Variants in CALN1 observed in about 807,000 individuals in gnomAD.
The protein encoded by CALN1 is calcium-binding protein 8.
Under a neutral mutation model 30.6 loss-of-function variants are expected in CALN1, and 17 were observed. That is an observed-to-expected ratio of 0.56 (90% confidence interval 0.38 to 0.83). CALN1 has a LOEUF of 0.83. Among genes scored for constraint, CALN1 ranks in the 40% least tolerant of loss-of-function variants. CALN1 has a pLI of 0.00. For missense variants in CALN1, 291 were observed against 354.9 expected, an observed-to-expected ratio of 0.82 and a Z score of 1.45; for synonymous variants, 156 against 131.4, an observed-to-expected ratio of 1.19 and a Z score of -1.28.
At chr7:72,007,252 TA>T (rs1799821045) in intron 5 of CALN1, among the ~76,000 whole-genome samples, 1 of 152,206 alleles carries the variant, frequency 6.6e-6, no homozygotes, top group Non-Finnish European at 1.5e-5. Context: ...TGCAACTTCT[TA>T]AAGAACTTGT....
the CALN1 span, among the ~76,000 whole-genome samples, chr7:72,498,261 A>G: frequency 6.6e-6 from 1 of 152,162 alleles, no homozygotes; most frequent in Non-Finnish European, 1.5e-5. Flanking sequence ...AGAATTTTTA[A>G]AATTTCAAGA....
At chr7:72,190,055 C>A (rs2129546733) in intron 3 of CALN1, among the ~76,000 whole-genome samples, 1 of 152,124 alleles carries the variant, frequency 6.6e-6, no homozygotes, top group East Asian at 1.9e-4. Context: ...GGTAAACAAA[C>A]AAACAAAACA....
At chr7:72,403,716 C>T (rs1451250526) in intron 1 of CALN1, among the ~76,000 whole-genome samples, 1 of 152,216 alleles carries the variant, frequency 6.6e-6, no homozygotes, top group Admixed American at 6.5e-5. Context: ...TTCGTACCCC[C>T]GTGGGCATTG....
chr7:72,287,632 G>C (rs949616356), intron 2 of CALN1, among the ~76,000 whole-genome samples: 2 of 151,850 alleles, frequency 1.3e-5, no homozygotes, highest in Non-Finnish European at 1.5e-5. Flanking sequence ...ATTTTTAGTA[G>C]AGATGGGGTT....
rs554170678 is a variant in CALN1 at position 72,244,296 on chromosome 7, A to T, written c.244+34390T>A. ...TAAAACGATAGGGTAAAGATCCCTC[A>T]AACTCTGATTATTTCAGAATTCTGG... On this transcript the variant is annotated intron_variant, in intron 3 of 6. Coordinates refer to ENST00000395275, the MANE Select transcript of CALN1 (RefSeq NM_031468.4). Among the ~76,000 whole-genome samples the T allele has an allele frequency of 2.0e-5, 3 of 152,314 alleles. No homozygotes were observed. The South Asian group carries it at 6.2e-4, about 32-fold the overall frequency.
chr7:72,126,508 G>C (rs953347426), intron 3 of CALN1, among the ~76,000 whole-genome samples: 4 of 152,046 alleles, frequency 2.6e-5, no homozygotes, highest in African/African-American at 7.2e-5. Context: ...CCTTTGGATA[G>C]ACACCCAAAA....
chr7:72,468,602 C>T, the CALN1 span, among the ~76,000 whole-genome samples: 2 of 152,200 alleles, frequency 1.3e-5, no homozygotes, highest in African/African-American at 4.8e-5. Context: ...GCATGAACCA[C>T]CCTGCCTGGC....
chr7:71,845,937 C>T (rs573195887), intron 5 of CALN1, among the ~76,000 whole-genome samples: 2 of 152,038 alleles, frequency 1.3e-5, no homozygotes, highest in Non-Finnish European at 2.9e-5. Context: ...CCTGTAATCC[C>T]AGCTAGTAGG....
intron 3 of CALN1, among the ~76,000 whole-genome samples, chr7:72,237,172 C>A (rs542117706): frequency 6.6e-6 from 1 of 151,910 alleles, no homozygotes; most frequent in Non-Finnish European, 1.5e-5. Flanking sequence ...TTAGTAGAGA[C>A]GGCGTTTCAC....
chr7:72,162,856 C>A (rs1788216620), intron 3 of CALN1, among the ~76,000 whole-genome samples: 2 of 152,204 alleles, frequency 1.3e-5, no homozygotes, highest in African/African-American at 2.4e-5. Flanking sequence ...AACTTAAAGT[C>A]TTAATGGATC....
chr7:72,122,154 C>G (rs1246561364), intron 3 of CALN1, among the ~76,000 whole-genome samples: 1 of 152,012 alleles, frequency 6.6e-6, no homozygotes, highest in African/African-American at 2.4e-5. Flanking sequence ...CTCCAAGTGG[C>G]AAACTGAGTG....
At chr7:71,952,381 T>C (rs1009753070) in intron 5 of CALN1, among the ~76,000 whole-genome samples, 2 of 152,130 alleles carry the variant, frequency 1.3e-5, no homozygotes, top group Non-Finnish European at 2.9e-5. Flanking sequence ...TTGGTATTAA[T>C]ATGATAATAA....
chr7:72,051,953 T>C (rs1015738820), intron 4 of CALN1, among the ~76,000 whole-genome samples: 29 of 152,212 alleles, frequency 1.9e-4, no homozygotes, highest in Admixed American at 7.9e-4. Flanking sequence ...CAGAGGAATT[T>C]CCATTAACAT....
chr7:72,123,535 G>A (rs1364401738), intron 3 of CALN1, among the ~76,000 whole-genome samples: 2 of 152,252 alleles, frequency 1.3e-5, no homozygotes, highest in African/African-American at 2.4e-5. Flanking sequence ...CCCTGGAATC[G>A]CTATCTGTAA....
intron 2 of CALN1, among the ~76,000 whole-genome samples, chr7:72,306,900 T>TC (rs1799694877): frequency 1.3e-5 from 2 of 152,122 alleles, no homozygotes; most frequent in Admixed American, 6.6e-5. Flanking sequence ...TTTCAGGTAT[T>TC]TTACAGAGTC....
At chr7:72,213,305 G>C (rs1792544318) in intron 3 of CALN1, among the ~76,000 whole-genome samples, 1 of 152,222 alleles carries the variant, frequency 6.6e-6, no homozygotes, top group Non-Finnish European at 1.5e-5. Context: ...TGGACATCAA[G>C]GAATTTTCTG....
Position 71,936,399 on chromosome 7 carries a change from C to T in CALN1, c.501+87258G>A, listed in dbSNP as rs1486504168. ...TGGGCGACTGAGCGAGACTCAGTCT[C>T]AAAAAAAAAAAAAAAAAAAAAGATG... On this transcript the variant is annotated intron_variant, in intron 5 of 6. Coordinates refer to ENST00000395275, the MANE Select transcript of CALN1 (RefSeq NM_031468.4). Among the ~76,000 whole-genome samples, 5 of 74,678 alleles carry T rather than the reference C, an allele frequency of 6.7e-5. No homozygotes were observed. In the East Asian group the frequency reaches 2.4e-3, roughly 36 times the overall value. 49.0% of individuals were successfully genotyped at this position (74,678 alleles called of 152,430 possible). A position where few individuals can be genotyped will look rare whatever the true frequency, so the allele number is the denominator to read the frequency against.
chr7:72,302,589 T>G (rs1336092474), intron 2 of CALN1, among the ~76,000 whole-genome samples: 2 of 151,838 alleles, frequency 1.3e-5, no homozygotes, highest in African/African-American at 4.8e-5. Flanking sequence ...CAAGCCCCCA[T>G]CTCTACAAAA....
rs548808358 is a variant in CALN1 at position 72,312,466 on chromosome 7, T to C, written c.120-33656A>G. Among the ~76,000 whole-genome samples the C allele has an allele frequency of 7.3e-5, 11 of 151,710 alleles. No homozygotes were observed. In the East Asian group the frequency reaches 7.8e-4, roughly 11 times the overall value. On this transcript the variant is annotated intron_variant, in intron 2 of 6. Coordinates refer to ENST00000395275, the MANE Select transcript of CALN1 (RefSeq NM_031468.4). ...GGATTTTGTTGTTCACCCCATGTTA[T>C]ACCTATAAGCCATGTGCCCCAGGAC... is the stretch of plus-strand genomic sequence containing the variant.
Sources: gnomAD v4.1 joint callset for allele counts (sites outside exome capture counted in the v4.1 genomes callset) on GRCh38, gnomAD v4.1.1 for gene constraint, MANE v1.5 for transcripts, NCBI Gene and HGNC (gene_info 2026-07-23, HGNC 2026-07-21) for gene names.